The following BRWD1 variants were observed in gnomAD, a reference collection of about 807,000 sequenced individuals.
The protein encoded by BRWD1 is bromodomain and WD repeat domain containing 1, also known as bromodomain and WD repeat-containing protein 1.
BRWD1 carries 82 observed loss-of-function variants against 251.2 expected under a neutral mutation model. The observed-to-expected ratio is 0.33, with a 90% confidence interval of 0.27 to 0.39. The LOEUF (loss-of-function observed/expected upper bound fraction) is 0.39, where lower values mean the gene tolerates loss of function less well. Among genes scored for constraint, BRWD1 ranks in the 10% least tolerant of loss-of-function variants. The probability of loss-of-function intolerance (pLI) is 1.00; values close to 1 mark genes in which losing one functional copy is unlikely to be tolerated. For synonymous variants in BRWD1, 918 were observed against 902.8 expected (o/e 1.02, Z -0.30); for missense variants, 2,233 against 2,711.6 (o/e 0.82, Z 3.92).
Position 39,301,323 on chromosome 21 carries a change from A to T in BRWD1, c.199-2741T>A, listed in dbSNP as rs577724889. On this transcript the variant is annotated intron_variant, in intron 4 of 40. Coordinates refer to ENST00000342449, the MANE Select transcript of BRWD1 (RefSeq NM_033656.4). ...CAGAAAACAGTAACATTGAGAGGAT[A>T]CTACTTCTATGATTAGGTTACAATT... Among the ~76,000 whole-genome samples, 38 of 152,318 alleles carry T rather than the reference A, an allele frequency of 2.5e-4. No individual in the cohort carries two copies. In the South Asian group the frequency reaches 7.5e-3, roughly 30 times the overall value.
chr21:39,186,950 C>T lies in BRWD1; in HGVS notation c.*9309G>A. On this transcript the variant is annotated 3_prime_UTR_variant, in exon 41 of 41. Transcript: ENST00000342449. ...TGCCAATAAGGGAGTAATTTTAGAG[C>T]TGGGAGCAGAATGTAACTGCCAGTT... 1.3e-6 allele frequency: 2 copies of T among 1,497,462 alleles called. No homozygotes were observed. The highest frequency in any genetic ancestry group is 8.9e-7 in the Non-Finnish European group (1 of 1,129,130). 92.8% of individuals were successfully genotyped at this position (1,497,462 alleles called of 1,614,324 possible).
In BRWD1 at chr21:39,280,037, T is replaced by TA. The variant is rs377376246; in HGVS notation, c.932+110dup. 7.8e-5 allele frequency: 59 copies of TA among 752,836 alleles called. 1 individual carries two copies. Among genetic ancestry groups the TA allele is most frequent in the Admixed American group, 5.5e-4 (15 of 27,164 alleles). 46.6% of individuals were successfully genotyped at this position (752,836 alleles called of 1,614,324 possible). A position where few individuals can be genotyped will look rare whatever the true frequency, so the allele number is the denominator to read the frequency against. ...TATAATAAAAATTAAGTTCAAAGGTTAAAAAAAAGCAACAATACACAATTT... is the reference window on the plus strand; with the variant it reads ...TATAATAAAAATTAAGTTCAAAGGTTAAAAAAAAAGCAACAATACACAATTT... On this transcript the variant is annotated intron_variant, in intron 9 of 40. Transcript: ENST00000342449.
At chr21:39,313,920 C>G (rs559505422), upstream of BRWD1, 7 of 315,238 alleles carry the variant, frequency 2.2e-5, no homozygotes, top group Non-Finnish European at 4.3e-5. Flanking sequence ...AGCGCGACGC[C>G]GGGTGGCCCA....
Position 39,232,367 on chromosome 21 carries a change from T to A in BRWD1, c.2892+6A>T. 1 of 1,598,306 alleles carries A rather than the reference T, an allele frequency of 6.3e-7. No homozygotes were observed. Among genetic ancestry groups the A allele is most frequent in the African/African-American group, 1.4e-5 (1 of 73,742 alleles). Reference sequence around the variant, plus strand: ...ATTCGTGTTTTTAAATTTGTATTACTCTCACCTCATCACCCATTTGAGGAA... The same window carrying A: ...ATTCGTGTTTTTAAATTTGTATTACACTCACCTCATCACCCATTTGAGGAA... On this transcript the variant is annotated splice_donor_region_variant and intron_variant, in intron 24 of 40. Transcript: ENST00000342449.
chr21:39,227,044 C>CA (rs1264305847), intron 27 of BRWD1, among the ~76,000 whole-genome samples: 1 of 152,030 alleles, frequency 6.6e-6, no homozygotes, highest in Non-Finnish European at 1.5e-5. Context: ...GTCCCACAGC[C>CA]AAAAAGGAGG....
rs771037723 is a variant in BRWD1 at position 39,218,279 on chromosome 21, G to A, written c.3539-7C>T. 1.3e-6 allele frequency: 2 copies of A among 1,596,210 alleles called. No homozygotes were observed. Among genetic ancestry groups the A allele is most frequent in the South Asian group, 2.3e-5 (2 of 87,228 alleles). ...GCAAAAGCTGCTGCTATATCTGTTA[G>A]GGAAGACAGGAGAGTTTTTAATCAA... On this transcript the variant is annotated splice_polypyrimidine_tract_variant and splice_region_variant and intron_variant, in intron 30 of 40. Transcript: ENST00000342449.
At chr21:39,207,451 A>ACACACAC (rs1555849300) in intron 36 of BRWD1, among the ~76,000 whole-genome samples, 1 of 131,288 alleles carries the variant, frequency 7.6e-6, no homozygotes, top group Non-Finnish European at 1.6e-5. Context: ...AAAAAAAGAA[A>ACACACAC]ACACACACAC....
intron 4 of BRWD1, among the ~76,000 whole-genome samples, chr21:39,306,338 G>C (rs1453612187): frequency 1.3e-5 from 2 of 151,964 alleles, no homozygotes; most frequent in East Asian, 3.9e-4. Context: ...CCAAGTGCTG[G>C]GATTACAAGT....
At chr21:39,283,343 A>G (rs1281272661) in intron 8 of BRWD1, among the ~76,000 whole-genome samples, 2 of 152,236 alleles carry the variant, frequency 1.3e-5, no homozygotes, top group African/African-American at 4.8e-5. Flanking sequence ...CTGATTCAGG[A>G]ACATGGTAGA....
intron 26 of BRWD1, among the ~76,000 whole-genome samples, chr21:39,229,068 C>T (rs1046107022): frequency 5.3e-5 from 8 of 152,152 alleles, no homozygotes; most frequent in Admixed American, 5.2e-4. Context: ...TCCCCACCCA[C>T]ATAAGCAGCA....
At chr21:39,274,943 G>A (rs993085335) in intron 12 of BRWD1, among the ~76,000 whole-genome samples, 2 of 152,140 alleles carry the variant, frequency 1.3e-5, no homozygotes, top group African/African-American at 2.4e-5. Flanking sequence ...AGGAGGCTAA[G>A]ACAGGAGAAT....
rs879349904 is a variant in BRWD1 at position 39,190,234 on chromosome 21, TTTTTA to T, written c.*6020_*6024del. The T allele has an allele frequency of 5.5e-5, 54 of 979,722 alleles. No individual in the cohort carries two copies. The highest frequency in any genetic ancestry group is 6.2e-5 in the Non-Finnish European group (51 of 825,016). The allele number at this position is 979,722 out of a possible 1,614,324, so 60.7% of individuals were successfully genotyped here. ...ATTAATCATATTCTAATTAGACTTT[TTTTTA>T]ATTTTTAAGCTACCTTATTTACAGA... On this transcript the variant is annotated 3_prime_UTR_variant, in exon 41 of 41. Transcript: ENST00000342449.
chr21:39,302,979 A>C (rs749674465), intron 4 of BRWD1, among the ~76,000 whole-genome samples: 1 of 151,874 alleles, frequency 6.6e-6, no homozygotes, highest in Non-Finnish European at 1.5e-5. Context: ...GAACTGCTTG[A>C]ACCCAGGAGA....
At chr21:39,319,901 T>C (rs2036731595) in intron 1 of BRWD1, among the ~76,000 whole-genome samples, 1 of 152,168 alleles carries the variant, frequency 6.6e-6, no homozygotes, top group Non-Finnish European at 1.5e-5. Flanking sequence ...CACTTCTGTA[T>C]CTTCTTTGGA....
chr21:39,285,331 G>C (rs958105288), intron 8 of BRWD1, among the ~76,000 whole-genome samples: 1 of 152,050 alleles, frequency 6.6e-6, no homozygotes, highest in Non-Finnish European at 1.5e-5. Flanking sequence ...TATGGGGGAA[G>C]GGGGGGACCA....
chr21:39,191,306 A>G lies in BRWD1; in HGVS notation c.*4953T>C, dbSNP rs765036551. 1.7e-4 allele frequency: 167 copies of G among 985,240 alleles called. No individual in the cohort carries two copies. Among genetic ancestry groups the G allele is most frequent in the Non-Finnish European group, 2.0e-4 (162 of 829,924 alleles). 61.0% of individuals were successfully genotyped at this position (985,240 alleles called of 1,614,324 possible). On this transcript the variant is annotated 3_prime_UTR_variant, in exon 41 of 41. Transcript: ENST00000342449. Reference sequence around the variant, plus strand: ...GCTCGCACCCCTATATTCTGCCTGCATGAAAAGAAATTACCAGTGGAAAAG... The same window carrying G: ...GCTCGCACCCCTATATTCTGCCTGCGTGAAAAGAAATTACCAGTGGAAAAG...
chr21:39,286,325 A>C (rs973982909), intron 8 of BRWD1, among the ~76,000 whole-genome samples: 2 of 148,966 alleles, frequency 1.3e-5, no homozygotes, highest in Non-Finnish European at 3.0e-5. Context: ...GCCCATATGA[A>C]CCATTTTAAA....
chr21:39,301,557 T>C lies in BRWD1; in HGVS notation c.199-2975A>G, dbSNP rs1441888222. On this transcript the variant is annotated intron_variant, in intron 4 of 40. Transcript: ENST00000342449. ...GAAGCCTATTCCTCCCGTCAAGCCT[T>C]CAGCTAAAACCCCAGTTCTGCCAAT... Among the ~76,000 whole-genome samples, 3 of 152,130 alleles carry C rather than the reference T, an allele frequency of 2.0e-5. No individual in the cohort carries two copies. In the East Asian group the frequency reaches 5.8e-4, roughly 29 times the overall value.
chr21:39,214,810 T>C (rs1389010729), intron 32 of BRWD1, among the ~76,000 whole-genome samples: 1 of 151,756 alleles, frequency 6.6e-6, no homozygotes, highest in African/African-American at 2.4e-5. Flanking sequence ...TGTAAAGAAA[T>C]GTCATCTAAA....
Sources: allele counts gnomAD v4.1 joint callset (sites outside exome capture counted in the v4.1 genomes callset), GRCh38; gene constraint gnomAD v4.1.1; transcripts MANE v1.5; gene names NCBI Gene and HGNC (gene_info 2026-07-23, HGNC 2026-07-21).